Variants in MKRN1 observed in about 807,000 individuals in gnomAD.
The protein encoded by MKRN1 is makorin ring finger protein 1.
In MKRN1, 9 loss-of-function variants were observed where a neutral mutation model predicts 55.5. That is an observed-to-expected ratio of 0.16 (90% CI 0.10 to 0.28). MKRN1 has a LOEUF of 0.28. Among genes scored for constraint, MKRN1 ranks in the 10% least tolerant of loss-of-function variants. The pLI, the probability that MKRN1 is intolerant of heterozygous loss-of-function variation, is 1.00. For synonymous variants in MKRN1, 253 were observed against 235.9 expected, an observed-to-expected ratio of 1.07 and a Z score of -0.66; for missense variants, 488 against 626.7, an observed-to-expected ratio of 0.78 and a Z score of 2.36.
chr7:140,459,170 T>C lies in MKRN1; in HGVS notation c.608A>G (p.Glu203Gly). 3 of 1,613,980 alleles carry C rather than the reference T, an allele frequency of 1.9e-6. No homozygotes were observed. Among genetic ancestry groups the C allele is most frequent in the Non-Finnish European group, 2.5e-6 (3 of 1,179,874 alleles). Reference sequence around the variant, plus strand: ...CTTCTTTGTCTCCACGGCGGTTTGCTCTTTCTCTGATTCTTCCTTGGTCAC... The same window carrying C: ...CTTCTTTGTCTCCACGGCGGTTTGCCCTTTCTCTGATTCTTCCTTGGTCAC... Reference protein sequence around the residue: ...GSVTKEESEKEQTAVETKKQL... With the variant: ...GSVTKEESEKGQTAVETKKQL... The change falls in exon 4 of 8, where the codon GAG becomes GGG. Residue 203 changes from glutamate (E) to glycine (G), a missense_variant. Physicochemically the swap from Glu to Gly is moderately conservative, Grantham distance 98. Transcript: ENST00000255977.
At chr7:140,457,713 TA>T (rs914565341) in intron 4 of MKRN1, among the ~76,000 whole-genome samples, 104 of 150,970 alleles carry the variant, frequency 6.9e-4, no homozygotes, top group African/African-American at 2.5e-3. Flanking sequence ...AAAATAAAAA[TA>T]AAAAAAATAA....
At position 140,459,965 on chromosome 7, in the gene MKRN1, G is replaced by A. The variant is rs183792436; in HGVS notation, c.315-29C>T. 5.1e-6 allele frequency: 8 copies of A among 1,580,424 alleles called. No homozygotes were observed. The East Asian group carries it at 6.7e-5, about 13-fold the overall frequency. On this transcript the variant is annotated intron_variant, in intron 2 of 7. Coordinates refer to ENST00000255977, the MANE Select transcript of MKRN1 (RefSeq NM_013446.4). ...AGAAAAAATTCAAAAGTAAGCAGTCGGCCAGTCGTGGTGGCTCAAGCCTGT... is the reference window on the plus strand; with the variant it reads ...AGAAAAAATTCAAAAGTAAGCAGTCAGCCAGTCGTGGTGGCTCAAGCCTGT...
rs1215153855 is a variant in MKRN1 at position 140,453,914 on chromosome 7, T to C, written c.*603A>G. On this transcript the variant is annotated 3_prime_UTR_variant, in exon 8 of 8. Transcript: ENST00000255977. ...TCCTATCATGCAAAACAGTAAAAAA[T>C]CTCAACACATTCACACCTGATTCTG... The C allele has an allele frequency of 6.4e-6, 1 of 155,370 alleles. No individual in the cohort carries two copies. Among genetic ancestry groups the C allele is most frequent in the Non-Finnish European group, 1.4e-5 (1 of 70,002 alleles). 9.6% of individuals were successfully genotyped at this position (155,370 alleles called of 1,614,324 possible). A position where few individuals can be genotyped will look rare whatever the true frequency, so the allele number is the denominator to read the frequency against.
chr7:140,470,904 G>T (rs1460379188), intron 2 of MKRN1, among the ~76,000 whole-genome samples: 1 of 149,066 alleles, frequency 6.7e-6, no homozygotes, highest in Non-Finnish European at 1.5e-5. Flanking sequence ...GCAACAGAGG[G>T]ACAAGACTCG....
chr7:140,464,976 G>A (rs1417824250), intron 2 of MKRN1, among the ~76,000 whole-genome samples: 1 of 152,026 alleles, frequency 6.6e-6, no homozygotes, highest in African/African-American at 2.4e-5. Context: ...TTGTAGGTAC[G>A]TAGTTTTGCC....
chr7:140,459,201 C>A lies in MKRN1; in HGVS notation c.577G>T (p.Gly193Cys). The A allele has an allele frequency of 6.2e-7, 1 of 1,613,914 alleles. No homozygotes were observed. The highest frequency in any genetic ancestry group is 8.5e-7 in the Non-Finnish European group (1 of 1,179,854). ...APSCTEAPLQGSVTKEESEKE... is the reference protein window; with the variant it reads ...APSCTEAPLQCSVTKEESEKE... ...TCTGATTCTTCCTTGGTCACTGAGCCCTGCAGGGGTGCTTCAGTGCAGGAA... is the reference window on the plus strand; with the variant it reads ...TCTGATTCTTCCTTGGTCACTGAGCACTGCAGGGGTGCTTCAGTGCAGGAA... Residue 193 changes from glycine to cysteine, a missense_variant, in exon 4 of 8, where the codon GGC (glycine) becomes TGC (cysteine). By Grantham distance (159) the Gly-to-Cys change is radical. Coordinates refer to ENST00000255977, the MANE Select transcript of MKRN1 (RefSeq NM_013446.4).
chr7:140,461,222 G>C (rs752155615), intron 2 of MKRN1, among the ~76,000 whole-genome samples: 2 of 152,182 alleles, frequency 1.3e-5, no homozygotes, highest in African/African-American at 2.4e-5. Flanking sequence ...CTTTTTCTAA[G>C]AAAATCCATC....
At chr7:140,461,867 C>T (rs1264446942) in intron 2 of MKRN1, among the ~76,000 whole-genome samples, 3 of 152,024 alleles carry the variant, frequency 2.0e-5, no homozygotes, top group Non-Finnish European at 4.4e-5. Context: ...CTTGTAATCC[C>T]AGCTACTTGG....
chr7:140,474,113 G>A (rs755118277), intron 1 of MKRN1, among the ~76,000 whole-genome samples: 2 of 151,896 alleles, frequency 1.3e-5, no homozygotes, highest in Non-Finnish European at 2.9e-5. Flanking sequence ...TACAATCCCA[G>A]CACTTTGGGA....
chr7:140,474,437 T>TGG (rs771760476), intron 1 of MKRN1: 25 of 361,972 alleles, frequency 6.9e-5, no homozygotes, highest in African/African-American at 4.8e-4. Flanking sequence ...CGCAGTGGGT[T>TGG]GGGGGGGGCC....
At chr7:140,454,802 A>G in intron 7 of MKRN1, 73 bp from the exon 8 acceptor site, 1 of 1,468,356 alleles carries the variant, frequency 6.8e-7, no homozygotes, top group Non-Finnish European at 9.5e-7. Flanking sequence ...TATAAGGCAA[A>G]ACGTCCAGCA....
chr7:140,456,091 C>A (rs1421143619), intron 5 of MKRN1, 191 bp from the exon 6 acceptor site: 3 of 1,062,216 alleles, frequency 2.8e-6, no homozygotes, highest in Non-Finnish European at 3.7e-6. Context: ...CTTTATAAAT[C>A]CAACTCAAGG....
At chr7:140,467,986 G>A (rs929672180) in intron 2 of MKRN1, among the ~76,000 whole-genome samples, 25 of 123,624 alleles carry the variant, frequency 2.0e-4, no homozygotes, top group African/African-American at 9.3e-4. Flanking sequence ...TGGGCAACAA[G>A]AGCGAAATTC....
At chr7:140,477,475 C>G (rs1228170078) in intron 1 of MKRN1, among the ~76,000 whole-genome samples, 4 of 152,196 alleles carry the variant, frequency 2.6e-5, no homozygotes, top group Non-Finnish European at 5.9e-5. Context: ...CGCCTGTCAC[C>G]ACGCCCGGCT....
At chr7:140,456,204 A>C in intron 5 of MKRN1, 1 of 1,163,740 alleles carries the variant, frequency 8.6e-7, no homozygotes, top group South Asian at 3.1e-5. Flanking sequence ...TCGTTTAAAT[A>C]AATTTATTTC....
chr7:140,463,276 T>C (rs964160763), intron 2 of MKRN1, among the ~76,000 whole-genome samples: 2 of 152,204 alleles, frequency 1.3e-5, no homozygotes, highest in African/African-American at 4.8e-5. Flanking sequence ...CTTTCACTCA[T>C]GAACTGTGGG....
chr7:140,472,250 C>A (rs1026296269), intron 1 of MKRN1: 13 of 455,964 alleles, frequency 2.9e-5, no homozygotes, highest in Non-Finnish European at 4.8e-5. Flanking sequence ...GCCTGGGCAA[C>A]ATGGTGAAAC....
chr7:140,473,045 C>A (rs974084936), intron 1 of MKRN1, among the ~76,000 whole-genome samples: 1 of 151,024 alleles, frequency 6.6e-6, no homozygotes, highest in Non-Finnish European at 1.5e-5. Flanking sequence ...GAGCCGAGAT[C>A]GTGCCATTGA....
intron 1 of MKRN1, 110 bp downstream of exon 1, chr7:140,479,050 C>T (rs1016227591): frequency 8.3e-7 from 1 of 1,202,838 alleles, no homozygotes; most frequent in South Asian, 3.6e-5. Flanking sequence ...CGCCGGTCCC[C>T]GCCCTCCCGC....
Sources: allele counts gnomAD v4.1 joint callset (sites outside exome capture counted in the v4.1 genomes callset), GRCh38; gene constraint gnomAD v4.1.1; transcripts MANE v1.5; gene names NCBI Gene and HGNC (gene_info 2026-07-23, HGNC 2026-07-21).